SLC38A1: variants seen among roughly 807,000 people sequenced by gnomAD.
SLC38A1 encodes the protein solute carrier family 38 member 1.
A neutral mutation model predicts 60.3 loss-of-function variants in SLC38A1; 18 were observed. That is an observed-to-expected ratio of 0.30 (90% CI 0.21 to 0.44). The LOEUF is 0.44. Among genes scored for constraint, SLC38A1 ranks in the 20% least tolerant of loss-of-function variants. The pLI, the probability that SLC38A1 is intolerant of heterozygous loss-of-function variation, is 1.00. For missense variants in SLC38A1, 448 were observed against 587.2 expected (o/e 0.76, Z 2.45); for synonymous variants, 196 against 212.1 (o/e 0.92, Z 0.66).
chr12:46,238,131 G>A (rs981955963), intron 3 of SLC38A1, among the ~76,000 whole-genome samples: 2 of 151,740 alleles, frequency 1.3e-5, no homozygotes, highest in South Asian at 2.1e-4. Flanking sequence ...GTGCATGGCA[G>A]TTATTAAGGA....
In SLC38A1 at chr12:46,239,493, T is replaced by A. The variant is rs1451296237; in HGVS notation, c.122+186A>T. ...GCATGCACCACATGCCTGGCTAATT[T>A]TTTGTATTTTTAGTAGAGACGGGGT... On this transcript the variant is annotated intron_variant, in intron 3 of 16. Transcript: ENST00000398637. The A allele has an allele frequency of 8.1e-6, 4 of 493,332 alleles. No homozygotes were observed. In the East Asian group the frequency reaches 1.3e-4, roughly 16 times the overall value. The allele number at this position is 493,332 out of a possible 1,614,324, so 30.6% of individuals were successfully genotyped here.
At chr12:46,267,431 T>G (rs1942389042) in intron 1 of SLC38A1, 1 of 152,462 alleles carries the variant, frequency 6.6e-6, no homozygotes, top group African/African-American at 2.4e-5. Context: ...TGAAAGGCAC[T>G]GGGAGCGGCG....
intron 1 of SLC38A1, among the ~76,000 whole-genome samples, chr12:46,252,452 G>A (rs4768693): frequency 0.55 from 83,220 of 151,736 alleles, 22,901 homozygotes; most frequent in African/African-American, 0.56. Flanking sequence ...AAACCTGCAC[G>A]TTGTGCACAT....
intron 1 of SLC38A1, among the ~76,000 whole-genome samples, chr12:46,260,308 G>A (rs1408390617): frequency 6.6e-6 from 1 of 152,058 alleles, no homozygotes; most frequent in Non-Finnish European, 1.5e-5. Context: ...CCTTTTTAGG[G>A]CTTCAGGGCT....
intron 3 of SLC38A1, among the ~76,000 whole-genome samples, chr12:46,238,693 G>A (rs1941340484): frequency 6.6e-6 from 1 of 152,122 alleles, no homozygotes; most frequent in Admixed American, 6.6e-5. Flanking sequence ...TTCTACTCTT[G>A]TGATGTAAGC....
At chr12:46,206,195 T>C (rs769647455) in intron 8 of SLC38A1, 33 bp from the exon 9 acceptor site, 1 of 1,399,658 alleles carries the variant, frequency 7.1e-7, no homozygotes, top group Admixed American at 2.0e-5. Flanking sequence ...GGTTATATTT[T>C]TTTAGAAAGT....
At chr12:46,209,742 T>TTGAC (rs1294711235) in intron 5 of SLC38A1, among the ~76,000 whole-genome samples, 1 of 152,172 alleles carries the variant, frequency 6.6e-6, no homozygotes, top group Non-Finnish European at 1.5e-5. Context: ...GTGGGAAAAT[T>TTGAC]TGACAATCAA....
chr12:46,234,181 A>T (rs1464676443), intron 3 of SLC38A1, among the ~76,000 whole-genome samples: 1 of 152,090 alleles, frequency 6.6e-6, no homozygotes, highest in African/African-American at 2.4e-5. Context: ...TCAACACTGA[A>T]CTCATCTTGA....
At chr12:46,251,631 A>G (rs1204117103) in intron 1 of SLC38A1, among the ~76,000 whole-genome samples, 1 of 152,210 alleles carries the variant, frequency 6.6e-6, no homozygotes, top group Non-Finnish European at 1.5e-5. Context: ...AACTTAAATA[A>G]ATTTTCAAGA....
intron 1 of SLC38A1, among the ~76,000 whole-genome samples, chr12:46,258,126 A>G (rs955374245): frequency 2.0e-5 from 3 of 152,122 alleles, no homozygotes; most frequent in African/African-American, 7.2e-5. Flanking sequence ...ACCAGAGGTC[A>G]CTCTCATCAT....
At chr12:46,199,125 G>C (rs886687275) in intron 13 of SLC38A1, among the ~76,000 whole-genome samples, 2 of 152,060 alleles carry the variant, frequency 1.3e-5, no homozygotes, top group African/African-American at 4.8e-5. Context: ...TGCTCAGGGA[G>C]GGGGTGGGGT....
At chr12:46,204,655 C>A in intron 9 of SLC38A1, 65 bp from the exon 10 acceptor site, 1 of 1,204,952 alleles carries the variant, frequency 8.3e-7, no homozygotes, top group South Asian at 1.4e-5. Context: ...TTGGAGCTAC[C>A]CATCATAAAC....
rs934317197 is a variant in SLC38A1, at chr12:46,204,605, A to T, written c.647-15T>A. The T allele has an allele frequency of 6.3e-7, 1 of 1,574,902 alleles. No homozygotes were observed. Among genetic ancestry groups the T allele is most frequent in the Non-Finnish European group, 8.6e-7 (1 of 1,163,290 alleles). On this transcript the variant is annotated splice_polypyrimidine_tract_variant and intron_variant, in intron 9 of 16. Coordinates refer to ENST00000398637, the MANE Select transcript of SLC38A1 (RefSeq NM_030674.4). The stretch of plus-strand genomic sequence containing the variant: ...GCCAAGATACCCTTTAAAAAAAAGT[A>T]AAAAATAAATTATTTCATTTTTTTC...
At chr12:46,199,033 G>T (rs1301973497) in intron 13 of SLC38A1, among the ~76,000 whole-genome samples, 1 of 151,686 alleles carries the variant, frequency 6.6e-6, no homozygotes, top group Non-Finnish European at 1.5e-5. Context: ...GCTCGAGAAT[G>T]AAACATACAG....
intron 5 of SLC38A1, among the ~76,000 whole-genome samples, chr12:46,228,616 T>C (rs779404851): frequency 1.3e-5 from 2 of 152,188 alleles, no homozygotes; most frequent in Non-Finnish European, 2.9e-5. Context: ...CATTCAACAG[T>C]TTGAGATAAA....
intron 1 of SLC38A1, among the ~76,000 whole-genome samples, chr12:46,260,047 ACC>A (rs908777700): frequency 6.6e-6 from 1 of 152,242 alleles, no homozygotes; most frequent in African/African-American, 2.4e-5. Flanking sequence ...TTAAAGCAAT[ACC>A]CATCTGATAC....
At position 46,183,366 on chromosome 12, in the gene SLC38A1, T is replaced by C. The variant is rs1231696448; in HGVS notation, c.*5604A>G. 1 of 152,168 alleles carries C rather than the reference T, an allele frequency of 6.6e-6. No homozygotes were observed. The highest frequency in any genetic ancestry group is 6.5e-5 in the Admixed American group (1 of 15,276). The allele number at this position is 152,168 out of a possible 1,614,324, so 9.4% of individuals were successfully genotyped here. A position where few individuals can be genotyped will look rare whatever the true frequency, so the allele number is the denominator to read the frequency against. ...ATACCAACGACCAAGATTCAAGTGT[T>C]TGGGGAAAAAAATACCTTAGACAGT... On this transcript the variant is annotated 3_prime_UTR_variant, in exon 17 of 17. Coordinates refer to ENST00000398637, the MANE Select transcript of SLC38A1 (RefSeq NM_030674.4).
chr12:46,252,836 G>A (rs1220527928), intron 1 of SLC38A1, among the ~76,000 whole-genome samples: 4 of 151,838 alleles, frequency 2.6e-5, no homozygotes, highest in Non-Finnish European at 5.9e-5. Context: ...AAGAAACACA[G>A]GCACATATAA....
At chr12:46,189,164 C>T (rs1308187773) in intron 16 of SLC38A1, 93 bp from the exon 17 acceptor site, 1 of 833,314 alleles carries the variant, frequency 1.2e-6, no homozygotes, top group Admixed American at 2.0e-5. Flanking sequence ...TTTCCTCTCC[C>T]TTTGTGTCCT....
Sources: allele counts gnomAD v4.1 joint callset (sites outside exome capture counted in the v4.1 genomes callset), GRCh38; gene constraint gnomAD v4.1.1; transcripts MANE v1.5; gene names NCBI Gene and HGNC (gene_info 2026-07-23, HGNC 2026-07-21).